Variants in ERBIN observed in about 807,000 individuals in gnomAD.
ERBIN encodes the protein densin-180-like protein.
ERBIN carries 60 observed loss-of-function variants against 158.4 expected under a neutral mutation model. The observed-to-expected ratio is 0.38, with a 90% CI of 0.31 to 0.47. The LOEUF (loss-of-function observed/expected upper bound fraction) is 0.47. Ranked by LOEUF, ERBIN falls within the 20% of genes least tolerant of loss-of-function variation. The probability of loss-of-function intolerance (pLI) is 0.99; values close to 1 mark genes in which losing one functional copy is unlikely to be tolerated. For missense variants in ERBIN, 1,610 were observed against 1,648.0 expected (o/e 0.98, Z 0.40); for synonymous variants, 594 against 557.2 (o/e 1.07, Z -0.93).
At chr5:65,975,800 C>T (rs1749792555) in intron 1 of ERBIN, among the ~76,000 whole-genome samples, 1 of 152,132 alleles carries the variant, frequency 6.6e-6, no homozygotes. Context: ...GATGTGGTTT[C>T]AGGAGAGATT....
chr5:65,953,260 AG>A (rs1326976207), intron 1 of ERBIN, among the ~76,000 whole-genome samples: 1 of 152,220 alleles, frequency 6.6e-6, no homozygotes, highest in Non-Finnish European at 1.5e-5. Context: ...TAGTTGGTAT[AG>A]TTTTCCTTCT....
chr5:65,937,258 T>C (rs780853251), intron 1 of ERBIN, among the ~76,000 whole-genome samples: 1 of 152,330 alleles, frequency 6.6e-6, no homozygotes, highest in Non-Finnish European at 1.5e-5. Context: ...TTTAATGTTA[T>C]TATTGGAAAG....
chr5:65,950,908 A>G (rs967503221), intron 1 of ERBIN, among the ~76,000 whole-genome samples: 5 of 152,194 alleles, frequency 3.3e-5, no homozygotes, highest in African/African-American at 7.2e-5. Context: ...TTAAGCCAGT[A>G]AAGAGTAGTA....
intron 21 of ERBIN, among the ~76,000 whole-genome samples, chr5:66,066,617 A>G (rs945838702): frequency 7.2e-5 from 11 of 152,176 alleles, no homozygotes; most frequent in Admixed American, 3.3e-4. Flanking sequence ...TTAATAAGCA[A>G]AATTTGAAAA....
At position 66,048,679 on chromosome 5, in the gene ERBIN, CT is replaced by C. The variant is rs1433134232; in HGVS notation, c.1804del (p.Ser602LeufsTer6). On this transcript the variant is annotated frameshift_variant, in exon 19 of 26. Coordinates refer to ENST00000284037, the MANE Select transcript of ERBIN (RefSeq NM_001253697.2). LOFTEE classifies it high-confidence loss of function. ...CCCTTTTCACTAGGAATCTGAAGAA[CT>C]TTCTTCTGATGAAGAGATGAAAATG... ...HDDVFEESEE[L>X]SSDEEMKMAE... is the part of the protein sequence containing the mutation. 1.2e-6 allele frequency: 2 copies of C among 1,603,990 alleles called. No homozygotes were observed. Among genetic ancestry groups the C allele is most frequent in the Non-Finnish European group, 1.7e-6 (2 of 1,175,006 alleles).
intron 1 of ERBIN, among the ~76,000 whole-genome samples, chr5:65,951,693 A>G (rs1207565492): frequency 6.6e-6 from 1 of 152,226 alleles, no homozygotes; most frequent in Non-Finnish European, 1.5e-5. Context: ...TGGTACTTAA[A>G]TATCTCCATT....
chr5:65,942,929 ACT>A (rs1390922294), intron 1 of ERBIN, among the ~76,000 whole-genome samples: 144 of 59,522 alleles, frequency 2.4e-3, no homozygotes, highest in South Asian at 7.5e-3. Flanking sequence ...AAAAAAATAG[ACT>A]TTAAGTTTTT....
Position 66,046,384 on chromosome 5 carries a change from A to T in ERBIN, c.1634A>T (p.Lys545Ile). ...GAAAGTACTACTACAGTAAAAAGCA[A>T]AGTTGATGAAAGAGAAAAATATATG... ...TSESTTTVKS[K>I]VDEREKYMIG... is the part of the protein sequence containing the mutation. Residue 545 changes from lysine to isoleucine, a missense_variant, in exon 18 of 26, where the codon AAA becomes ATA. Lys to Ile is a moderately radical substitution (Grantham distance 102). This residue lies in a region of ERBIN where 596 missense variants were observed against 711.9 expected (regional missense o/e 0.84). Transcript: ENST00000284037. 6.3e-7 allele frequency: 1 copy of T among 1,596,754 alleles called. No individual in the cohort carries two copies. Among genetic ancestry groups the T allele is most frequent in the Non-Finnish European group, 8.5e-7 (1 of 1,169,896 alleles).
At chr5:65,947,574 T>C (rs1038172686) in intron 1 of ERBIN, among the ~76,000 whole-genome samples, 1 of 152,222 alleles carries the variant, frequency 6.6e-6, no homozygotes, top group East Asian at 1.9e-4. Flanking sequence ...AGAAATACAT[T>C]ACTTTTAAGT....
chr5:65,934,663 T>A (rs920937881), intron 1 of ERBIN, among the ~76,000 whole-genome samples: 1 of 152,212 alleles, frequency 6.6e-6, no homozygotes, highest in Non-Finnish European at 1.5e-5. Context: ...CTTTATGTGA[T>A]TAAAGTTGTG....
intron 1 of ERBIN, among the ~76,000 whole-genome samples, chr5:65,983,635 T>C (rs1166698943): frequency 6.6e-6 from 1 of 152,260 alleles, no homozygotes; most frequent in East Asian, 1.9e-4. Flanking sequence ...GGTGTGGGCA[T>C]GCCTGAGGAG....
intron 1 of ERBIN, among the ~76,000 whole-genome samples, chr5:65,965,524 C>CTGGGA (rs1748503474): frequency 2.0e-5 from 3 of 151,372 alleles, no homozygotes; most frequent in Non-Finnish European, 4.4e-5. Flanking sequence ...CCTGTCTCAG[C>CTGGGA]CTCTCAGGTA....
In ERBIN at chr5:66,024,447, A is replaced by G. The variant is rs756303996; in HGVS notation, c.814A>G (p.Ile272Val). ...TTCACTTCAGCAGCTTCCTGAGACT[A>G]TTGGTTTGTATTGCTTTCAAATTCA... ...SNSLQQLPET[I>V]GSLKNITTLK... The change falls in exon 10 of 26, where the codon ATT (isoleucine) becomes GTT (valine). Residue 272 changes from isoleucine to valine, a missense_variant. Ile to Val is a conservative substitution (Grantham distance 29). Around this residue, in one of 2 missense-constraint regions of ERBIN, gnomAD observed 596 missense variants for 711.9 expected, o/e 0.84. Transcript: ENST00000284037. The G allele has an allele frequency of 1.3e-6, 2 of 1,579,922 alleles. No individual in the cohort carries two copies. Among genetic ancestry groups the G allele is most frequent in the Non-Finnish European group, 1.7e-6 (2 of 1,171,044 alleles).
At chr5:65,928,243 A>T (rs1742915684) in intron 1 of ERBIN, among the ~76,000 whole-genome samples, 1 of 148,454 alleles carries the variant, frequency 6.7e-6, no homozygotes, top group Non-Finnish European at 1.5e-5. Context: ...GTCTCAGGAG[A>T]TTCTTTTTTT....
rs944323060 is a variant in ERBIN, at chr5:66,079,768, GTC to G, written c.*1240_*1241del. The G allele has an allele frequency of 6.6e-6, 1 of 152,620 alleles. No homozygotes were observed. The highest frequency in any genetic ancestry group is 1.5e-5 in the Non-Finnish European group (1 of 68,006). The allele number at this position is 152,620 out of a possible 1,614,324, so 9.5% of individuals were successfully genotyped here. On this transcript the variant is annotated 3_prime_UTR_variant, in exon 26 of 26. Coordinates refer to ENST00000284037, the MANE Select transcript of ERBIN (RefSeq NM_001253697.2). ...TAAATGTGAACTCAACACTTCCAGA[GTC>G]TTTAAAGGGTTTCTATGTGTATCAG...
intron 1 of ERBIN, among the ~76,000 whole-genome samples, chr5:65,974,579 TC>T (rs1242260537): frequency 1.8e-4 from 27 of 152,376 alleles, no homozygotes; most frequent in South Asian, 4.1e-4. Flanking sequence ...TGGCTTTTCT[TC>T]CATCCCCATC....
chr5:66,047,139 C>G (rs1758522028), intron 18 of ERBIN, among the ~76,000 whole-genome samples: 1 of 152,048 alleles, frequency 6.6e-6, no homozygotes, highest in African/African-American at 2.4e-5. Context: ...CTCTTTATCC[C>G]CTTTGGCCCT....
At chr5:65,930,157 T>C (rs1404341289) in intron 1 of ERBIN, among the ~76,000 whole-genome samples, 1 of 152,228 alleles carries the variant, frequency 6.6e-6, no homozygotes, top group Non-Finnish European at 1.5e-5. Context: ...AAACTGTTAG[T>C]CTATGTTTAT....
chr5:65,936,341 C>G (rs1041259247), intron 1 of ERBIN, among the ~76,000 whole-genome samples: 1 of 152,138 alleles, frequency 6.6e-6, no homozygotes, highest in Non-Finnish European at 1.5e-5. Flanking sequence ...TAGAATAAAT[C>G]TCTCAGTCTT....
Sources: gnomAD v4.1 joint callset for allele counts (sites outside exome capture counted in the v4.1 genomes callset) on GRCh38, gnomAD v4.1.1 for gene constraint, gnomAD v4.1.1 regional missense constraint, MANE v1.5 for transcripts, NCBI Gene and HGNC (gene_info 2026-07-23, HGNC 2026-07-21) for gene names.